Variants in DMD observed in about 807,000 individuals in gnomAD.
DMD encodes the protein dystrophin, also known as mutant dystrophin.
A neutral mutation model predicts 330.1 loss-of-function variants in DMD; 63 were observed. The ratio of observed to expected loss-of-function variants is 0.19; its 90% confidence interval spans 0.16 to 0.24. The LOEUF is 0.24. Among genes scored for constraint, DMD ranks in the 10% least tolerant of loss-of-function variants. The pLI is 1.00. For synonymous variants in DMD, 1,223 were observed against 959.8 expected, an observed-to-expected ratio of 1.27 and a Z score of -5.07; for missense variants, 3,344 against 2,684.1, an observed-to-expected ratio of 1.25 and a Z score of -5.43.
intron 62 of DMD, among the ~76,000 whole-genome samples, chrX:31,284,361 A>C (rs1735814074): frequency 9.0e-6 from 1 of 111,404 alleles, no homozygotes; most frequent in African/African-American, 3.3e-5. Flanking sequence ...GAAGACAAAG[A>C]ATCCTTGGTG....
intron 44 of DMD, among the ~76,000 whole-genome samples, chrX:32,166,438 A>C (rs911627761): frequency 1.1e-4 from 12 of 111,616 alleles, no homozygotes; most frequent in African/African-American, 3.6e-4. Context: ...AGCTTAGGCA[A>C]CAGAATGAGA....
At chrX:31,809,112 T>TATATATATGAGTTTATATATAA (rs1318194400) in intron 50 of DMD, among the ~76,000 whole-genome samples, 105 of 106,478 alleles carry the variant, frequency 9.9e-4, no homozygotes, top group Non-Finnish European at 1.8e-3. Context: ...AAATCTCTTA[T>TATATATATGAGTTTATATATAA]ATATATATGA....
At chrX:32,581,504 G>T (rs2053650751) in intron 13 of DMD, among the ~76,000 whole-genome samples, 1 of 111,681 alleles carries the variant, frequency 9.0e-6, no homozygotes, top group African/African-American at 3.3e-5. Context: ...GGACTAAATA[G>T]AACTTTATCT....
chrX:32,178,830 G>GT (rs1569549001), intron 44 of DMD, among the ~76,000 whole-genome samples: 21,075 of 98,962 alleles, frequency 0.21, 1,724 homozygotes, highest in Admixed American at 0.34. Flanking sequence ...TATTCCAGGG[G>GT]GTGTGTGTGT....
At chrX:32,816,698 A>G in intron 5 of DMD, 58 bp from the exon 6 acceptor site, 1 of 1,099,903 alleles carries the variant, frequency 9.1e-7, no homozygotes, top group Non-Finnish European at 1.3e-6. Flanking sequence ...GAACCATGCA[A>G]ACTTAAATAT....
chrX:32,319,495 T>G lies in DMD; in HGVS notation c.5923-9219A>C, dbSNP rs1334417358. Among the ~76,000 whole-genome samples, 30 of 111,893 alleles carry G rather than the reference T, an allele frequency of 2.7e-4. No individual in the cohort carries two copies. The Admixed American group carries it at 2.9e-3, about 11-fold the overall frequency. ...GATATGTGGTTACAATTGCTGGGAT[T>G]TACATTTATAATTTATATTTAGGAA... On this transcript the variant is annotated intron_variant, in intron 41 of 78. Transcript: ENST00000357033.
At chrX:31,888,397 C>A (rs1292379510) in intron 47 of DMD, among the ~76,000 whole-genome samples, 1 of 111,522 alleles carries the variant, frequency 9.0e-6, no homozygotes, top group Non-Finnish European at 1.9e-5. Context: ...ATCCCTCTAC[C>A]TTGAAAATAG....
intron 1 of DMD, among the ~76,000 whole-genome samples, chrX:33,021,955 C>T (rs775412136): frequency 2.1e-4 from 23 of 111,227 alleles, no homozygotes; most frequent in African/African-American, 7.5e-4. Context: ...TAATACTAGC[C>T]CTTCCAAAAT....
intron 56 of DMD, among the ~76,000 whole-genome samples, chrX:31,502,360 A>C (rs1279241474): frequency 9.0e-6 from 1 of 111,255 alleles, no homozygotes; most frequent in African/African-American, 3.3e-5. Context: ...TCCAAACATA[A>C]TTAACATTCT....
chrX:32,401,973 G>A (rs1051527013), intron 30 of DMD, among the ~76,000 whole-genome samples: 3 of 112,232 alleles, frequency 2.7e-5, no homozygotes, highest in Admixed American at 9.4e-5. Flanking sequence ...TTGGGAGATT[G>A]TACTTCTAGG....
intron 1 of DMD, among the ~76,000 whole-genome samples, chrX:33,231,606 T>C (rs1313541081): frequency 9.0e-6 from 1 of 111,327 alleles, no homozygotes; most frequent in Non-Finnish European, 1.9e-5. Flanking sequence ...TTCAGAGGTG[T>C]GAATGGGCTT....
intron 9 of DMD, among the ~76,000 whole-genome samples, chrX:32,691,425 C>T (rs1342084664): frequency 9.1e-6 from 1 of 110,412 alleles, no homozygotes; most frequent in Non-Finnish European, 1.9e-5. Context: ...AAAATATGTT[C>T]AACATTATGA....
In DMD at chrX:32,628,258, A is replaced by ATTTTTTTT. The variant is rs1170760390; in HGVS notation, c.1332-13813_1332-13806dup. 4.9e-3 allele frequency among the ~76,000 whole-genome samples: 75 copies of ATTTTTTTT among 15,352 alleles called. 20 individuals are homozygous for ATTTTTTTT. Among genetic ancestry groups the ATTTTTTTT allele is most frequent in the Non-Finnish European group, 7.0e-3 (59 of 8,414 alleles). 13.3% of individuals were successfully genotyped at this position (15,352 alleles called of 115,157 possible). A position where few individuals can be genotyped will look rare whatever the true frequency, so the allele number is the denominator to read the frequency against. ...TATCTCCATGAGTTCAGTTGTTTTA[A>ATTTTTTTT]TTTTTTTTTTTTTTTTTTTTTTTTT... On this transcript the variant is annotated intron_variant, in intron 11 of 78. Transcript: ENST00000357033.
chrX:32,554,919 AAGAAAGAAAGAAAGAAAGAAAGAGAG>A (rs1569190650), intron 16 of DMD, among the ~76,000 whole-genome samples: 6 of 41,233 alleles, frequency 1.5e-4, no homozygotes, highest in African/African-American at 4.8e-4. Context: ...GAAAGAAAGA[AAGAAAGAAAGAAAGAAAGAAAGAGAG>A]AGAGAGGGAG....
rs139543135 is a variant in DMD, at chrX:32,052,870, C to T, written c.6439-84356G>A. 2.8e-3 allele frequency among the ~76,000 whole-genome samples: 313 copies of T among 111,104 alleles called. 3 individuals are homozygous for T. The highest frequency in any genetic ancestry group is 9.4e-3 in the African/African-American group (289 of 30,612). On this transcript the variant is annotated intron_variant, in intron 44 of 78. Coordinates refer to ENST00000357033, the MANE Select transcript of DMD (RefSeq NM_004006.3). ...GTAATTGTCATAGGCCCTTTAATTA[C>T]GCACTGAGGAACAACTCCACCAAAA...
intron 29 of DMD, 194 bp from the exon 30 acceptor site, chrX:32,412,107 A>T: frequency 1.7e-6 from 2 of 1,163,207 alleles, no homozygotes; most frequent in Non-Finnish European, 2.3e-6. Flanking sequence ...TAAATAGCAA[A>T]CAAAACTATA....
At chrX:32,595,437 C>T (rs912620016) in intron 13 of DMD, among the ~76,000 whole-genome samples, 2 of 111,468 alleles carry the variant, frequency 1.8e-5, no homozygotes, top group African/African-American at 6.5e-5. Context: ...ATACTCCATG[C>T]CTTAGAAAAA....
At chrX:33,282,570 G>A (rs1042817174) in intron 1 of DMD, among the ~76,000 whole-genome samples, 2 of 111,826 alleles carry the variant, frequency 1.8e-5, no homozygotes, top group Middle Eastern at 4.6e-3. Flanking sequence ...GGGACAAAGA[G>A]GCTTCCGAGG....
intron 1 of DMD, among the ~76,000 whole-genome samples, chrX:33,186,003 C>T (rs2050242794): frequency 9.0e-6 from 1 of 111,678 alleles, no homozygotes; most frequent in South Asian, 3.8e-4. Context: ...GTATTCCCCT[C>T]AGTTTTATGA....
Sources: gnomAD v4.1 joint callset for allele counts (sites outside exome capture counted in the v4.1 genomes callset) on GRCh38, gnomAD v4.1.1 for gene constraint, MANE v1.5 for transcripts, NCBI Gene and HGNC (gene_info 2026-07-23, HGNC 2026-07-21) for gene names.